The following THSD4 variants were observed in gnomAD, a reference collection of about 807,000 sequenced individuals.
THSD4 encodes thrombospondin type 1 domain containing 4.
In THSD4, 69 loss-of-function variants were observed where a neutral mutation model predicts 119.0. The observed-to-expected ratio is 0.58, with a 90% CI of 0.48 to 0.71. THSD4 has a LOEUF of 0.71. THSD4 is among the 30% of genes least tolerant of loss of function. The pLI is 0.00. For missense variants in THSD4, 1,393 were observed against 1,391.1 expected, an observed-to-expected ratio of 1.00 and a Z score of -0.02; for synonymous variants, 524 against 540.4, an observed-to-expected ratio of 0.97 and a Z score of 0.42.
intron 6 of THSD4, among the ~76,000 whole-genome samples, chr15:71,291,511 C>A (rs2044791513): frequency 6.6e-6 from 1 of 152,138 alleles, no homozygotes; most frequent in Non-Finnish European, 1.5e-5. Context: ...CCAACACAAG[C>A]AATCAGGCAG....
At chr15:71,314,460 C>T (rs1447506802) in intron 6 of THSD4, among the ~76,000 whole-genome samples, 1 of 152,078 alleles carries the variant, frequency 6.6e-6, no homozygotes, top group Non-Finnish European at 1.5e-5. Flanking sequence ...GTGCACACTA[C>T]CACGCGCAGC....
At chr15:71,137,129 G>T (rs2040558761) in intron 1 of THSD4, among the ~76,000 whole-genome samples, 1 of 152,144 alleles carries the variant, frequency 6.6e-6, no homozygotes, top group South Asian at 2.1e-4. Flanking sequence ...AAACTAGATT[G>T]TTAGATTTTT....
At chr15:71,691,091 A>C (rs371176432) in intron 8 of THSD4, among the ~76,000 whole-genome samples, 2 of 152,206 alleles carry the variant, frequency 1.3e-5, no homozygotes, top group Non-Finnish European at 2.9e-5. Flanking sequence ...AGAGATTTGA[A>C]GAGGCTGAAC....
intron 7 of THSD4, among the ~76,000 whole-genome samples, chr15:71,430,913 T>C (rs1348703744): frequency 1.3e-5 from 2 of 152,170 alleles, no homozygotes; most frequent in Non-Finnish European, 2.9e-5. Flanking sequence ...TGTCTGGTCA[T>C]AGATGAAAAT....
intron 1 of THSD4, among the ~76,000 whole-genome samples, chr15:71,139,496 C>T (rs1245959738): frequency 6.6e-6 from 1 of 152,158 alleles, no homozygotes. Flanking sequence ...CACTTGTTGG[C>T]CTTCTTCCTG....
intron 1 of THSD4, among the ~76,000 whole-genome samples, chr15:71,107,176 G>C (rs553040031): frequency 6.6e-6 from 1 of 152,320 alleles, no homozygotes; most frequent in East Asian, 1.9e-4. Context: ...CTGTCTTCAT[G>C]AAACCGTTAT....
chr15:71,318,067 G>C (rs144969885), intron 6 of THSD4, among the ~76,000 whole-genome samples: 1 of 152,082 alleles, frequency 6.6e-6, no homozygotes, highest in African/African-American at 2.4e-5. Context: ...AGTGGCTTTT[G>C]GGGGGCAGTA....
At chr15:71,728,429 C>A (rs1177023892) in intron 8 of THSD4, 120 bp from the exon 9 acceptor site, 4 of 1,228,870 alleles carry the variant, frequency 3.3e-6, no homozygotes, top group East Asian at 4.7e-5. Context: ...CATTGCCTGG[C>A]ACATAGTGGA....
chr15:71,770,342 C>A (rs2053798435), intron 16 of THSD4, among the ~76,000 whole-genome samples: 1 of 101,676 alleles, frequency 9.8e-6, no homozygotes, highest in Non-Finnish European at 1.9e-5. Flanking sequence ...TATGATATGT[C>A]CTTTAAAAAA....
At chr15:71,242,183 G>T (rs2044158755) in intron 4 of THSD4, among the ~76,000 whole-genome samples, 1 of 151,928 alleles carries the variant, frequency 6.6e-6, no homozygotes, top group African/African-American at 2.4e-5. Flanking sequence ...AAGGAAACAG[G>T]GTCTGAAATA....
chr15:71,509,881 A>T (rs2048252007), intron 7 of THSD4, among the ~76,000 whole-genome samples: 1 of 152,170 alleles, frequency 6.6e-6, no homozygotes. Flanking sequence ...AAAACATTTA[A>T]ATCTGGTTGT....
chr15:71,636,040 G>A (rs1305386402), intron 7 of THSD4, among the ~76,000 whole-genome samples: 1 of 152,168 alleles, frequency 6.6e-6, no homozygotes, highest in East Asian at 1.9e-4. Context: ...TGGAAAGCAC[G>A]TGGGCTTTGG....
intron 7 of THSD4, among the ~76,000 whole-genome samples, chr15:71,634,117 G>A (rs1024889259): frequency 2.0e-5 from 3 of 151,672 alleles, no homozygotes; most frequent in Admixed American, 6.6e-5. Flanking sequence ...AACCCAGGAG[G>A]AGGAGGTTTC....
chr15:71,776,321 T>A (rs1022760042), intron 17 of THSD4, among the ~76,000 whole-genome samples: 2 of 152,162 alleles, frequency 1.3e-5, no homozygotes, highest in Non-Finnish European at 2.9e-5. Context: ...GCAGCACATA[T>A]AACCTAACTC....
In THSD4 at chr15:71,728,661, T is replaced by A. The variant is rs1252697556; in HGVS notation, c.1470T>A (p.Ile490=). The stretch of plus-strand genomic sequence containing the variant: ...TCACCTACAAGCGTCCAAATGAGAT[T>A]TCGAGCACTGCCGGAGAGTCCTTTT... ...TMFTYKRPNE[I]SSTAGESFLA... is the part of the protein sequence containing the mutation. The change falls in exon 9 of 18, where the codon ATT becomes ATA. Residue 490 remains isoleucine (I), a synonymous_variant. Transcript: ENST00000261862. The A allele has an allele frequency of 3.1e-6, 5 of 1,614,208 alleles. No homozygotes were observed. Among genetic ancestry groups the A allele is most frequent in the Non-Finnish European group, 4.2e-6 (5 of 1,180,044 alleles).
chr15:71,377,523 G>A (rs1355320148), intron 6 of THSD4, among the ~76,000 whole-genome samples: 1 of 152,208 alleles, frequency 6.6e-6, no homozygotes, highest in Non-Finnish European at 1.5e-5. Context: ...GAACCAGGGG[G>A]CTGTAGTGAC....
chr15:71,638,973 T>A (rs2050803479), intron 7 of THSD4, among the ~76,000 whole-genome samples: 1 of 152,226 alleles, frequency 6.6e-6, no homozygotes, highest in Non-Finnish European at 1.5e-5. Flanking sequence ...GTCAGCCATC[T>A]TTGCAGTCAT....
At chr15:71,350,855 A>G (rs2045734903) in intron 6 of THSD4, among the ~76,000 whole-genome samples, 1 of 152,168 alleles carries the variant, frequency 6.6e-6, no homozygotes, top group African/African-American at 2.4e-5. Flanking sequence ...ACGTGGCCAC[A>G]CTTTTGTATT....
intron 1 of THSD4, among the ~76,000 whole-genome samples, chr15:71,099,344 T>C (rs948646085): frequency 1.5e-4 from 23 of 152,362 alleles, no homozygotes; most frequent in African/African-American, 4.8e-4. Flanking sequence ...TGTCTACTTA[T>C]ACTATCAGTT....
Sources: allele counts gnomAD v4.1 joint callset (sites outside exome capture counted in the v4.1 genomes callset), GRCh38; gene constraint gnomAD v4.1.1; transcripts MANE v1.5; gene names NCBI Gene and HGNC (gene_info 2026-07-23, HGNC 2026-07-21).